Variants in TNKS observed in about 807,000 individuals in gnomAD.
TNKS encodes the protein poly [ADP-ribose] polymerase tankyrase-1.
A neutral mutation model predicts 135.8 loss-of-function variants in TNKS; 72 were observed. That is an observed-to-expected ratio of 0.53 (90% confidence interval 0.44 to 0.64). The LOEUF is 0.64. Ranked by LOEUF, TNKS falls within the 30% of genes least tolerant of loss-of-function variation. The pLI is 0.00. For synonymous variants in TNKS, 849 were observed against 649.3 expected (o/e 1.31, Z -4.68); for missense variants, 1,769 against 1,674.0 (o/e 1.06, Z -0.99).
Position 9,726,721 on chromosome 8 carries a change from G to A in TNKS, c.2001+1G>A. ...AGCTGGAGACTTGGAAACTGTGAAGGTAAGTCAGTGCCCTTAATATCTGGA... is the reference window on the plus strand; with the variant it reads ...AGCTGGAGACTTGGAAACTGTGAAGATAAGTCAGTGCCCTTAATATCTGGA... On this transcript the variant is annotated splice_donor_variant, in intron 13 of 26. Transcript: ENST00000310430. LOFTEE classifies it high-confidence loss of function. The A allele has an allele frequency of 6.2e-7, 1 of 1,611,046 alleles. No homozygotes were observed. The highest frequency in any genetic ancestry group is 8.5e-7 in the Non-Finnish European group (1 of 1,178,394).
chr8:9,716,431 T>C (rs1052727481), intron 11 of TNKS, among the ~76,000 whole-genome samples: 3 of 152,114 alleles, frequency 2.0e-5, no homozygotes, highest in Admixed American at 2.0e-4. Context: ...CCAGAGACAT[T>C]TTAGTTCTCA....
chr8:9,653,608 C>T (rs1801228132), intron 3 of TNKS, among the ~76,000 whole-genome samples: 1 of 151,996 alleles, frequency 6.6e-6, no homozygotes, highest in Non-Finnish European at 1.5e-5. Flanking sequence ...CAAATTCAGT[C>T]CCATGAGGGA....
At chr8:9,630,117 A>G (rs1382443988) in intron 3 of TNKS, among the ~76,000 whole-genome samples, 2 of 152,180 alleles carry the variant, frequency 1.3e-5, no homozygotes, top group Non-Finnish European at 2.9e-5. Context: ...CACTGTCTGC[A>G]GTGATTTCAT....
intron 11 of TNKS, among the ~76,000 whole-genome samples, chr8:9,711,830 C>G (rs964264687): frequency 6.6e-6 from 1 of 151,996 alleles, no homozygotes; most frequent in Non-Finnish European, 1.5e-5. Context: ...TGTGATTTTG[C>G]TGAAAAATGA....
chr8:9,631,501 A>G (rs1800286546), intron 3 of TNKS, among the ~76,000 whole-genome samples: 2 of 152,248 alleles, frequency 1.3e-5, no homozygotes, highest in African/African-American at 4.8e-5. Context: ...ACTAAAAACT[A>G]AACTAATTTG....
intron 3 of TNKS, among the ~76,000 whole-genome samples, chr8:9,642,804 A>G (rs1040303919): frequency 1.4e-5 from 2 of 146,094 alleles, no homozygotes; most frequent in African/African-American, 2.5e-5. Flanking sequence ...ATAAAAGTTC[A>G]TGTAAACTCA....
chr8:9,694,425 G>C (rs1421280481), intron 5 of TNKS, among the ~76,000 whole-genome samples: 2 of 152,138 alleles, frequency 1.3e-5, no homozygotes, highest in African/African-American at 4.8e-5. Context: ...AAGAGTAAAA[G>C]ATCGTGGCAA....
intron 3 of TNKS, among the ~76,000 whole-genome samples, chr8:9,662,494 G>A (rs1166144216): frequency 2.6e-5 from 4 of 152,042 alleles, no homozygotes; most frequent in African/African-American, 4.8e-5. Flanking sequence ...CTATCGCAAG[G>A]ACAAAAAACC....
intron 20 of TNKS, among the ~76,000 whole-genome samples, 166 bp downstream of exon 20, chr8:9,752,792 C>CA (rs201737154): frequency 0.012 from 1,783 of 146,544 alleles, 17 homozygotes; most frequent in Admixed American, 0.016. Context: ...CCCATCTCTA[C>CA]AAAAAAAAAA....
At chr8:9,557,188 A>G (rs1306402921) in intron 1 of TNKS, 2 of 153,734 alleles carry the variant, frequency 1.3e-5, no homozygotes, top group African/African-American at 4.8e-5. Flanking sequence ...ATTTGGATGC[A>G]TTATATGATG....
At chr8:9,608,654 C>G (rs1006098201) in intron 2 of TNKS, among the ~76,000 whole-genome samples, 1 of 152,186 alleles carries the variant, frequency 6.6e-6, no homozygotes, top group Non-Finnish European at 1.5e-5. Flanking sequence ...GGGGCCTGCT[C>G]TCTGCACAGA....
intron 17 of TNKS, among the ~76,000 whole-genome samples, chr8:9,744,648 CT>C (rs1208618600): frequency 6.6e-6 from 1 of 152,152 alleles, no homozygotes; most frequent in Non-Finnish European, 1.5e-5. Flanking sequence ...TAGTTCAATA[CT>C]TTGCTCTTAT....
chr8:9,607,996 G>A (rs1401828429), intron 2 of TNKS, among the ~76,000 whole-genome samples: 3 of 152,146 alleles, frequency 2.0e-5, no homozygotes, highest in Admixed American at 6.5e-5. Flanking sequence ...TTGGAGTGCA[G>A]TGGTGCGATC....
intron 5 of TNKS, among the ~76,000 whole-genome samples, chr8:9,688,788 C>T (rs1186639442): frequency 2.0e-5 from 3 of 152,078 alleles, no homozygotes; most frequent in Non-Finnish European, 2.9e-5. Flanking sequence ...TACAGGTGCC[C>T]GCCACCATAC....
In TNKS at chr8:9,776,635, T is replaced by G; in HGVS notation, c.3898-15T>G. The G allele has an allele frequency of 6.2e-7, 1 of 1,613,040 alleles. No homozygotes were observed. Among genetic ancestry groups the G allele is most frequent in the East Asian group, 2.2e-5 (1 of 44,874 alleles). ...TACTAGAAGGGTGATTTGTTTTTCT[T>G]CTTGTCCTTCCCAGGCATACCCAGA... On this transcript the variant is annotated splice_polypyrimidine_tract_variant and intron_variant, in intron 26 of 26. Coordinates refer to ENST00000310430, the MANE Select transcript of TNKS (RefSeq NM_003747.3).
At chr8:9,575,931 C>G (rs1187415712) in intron 1 of TNKS, among the ~76,000 whole-genome samples, 1 of 152,134 alleles carries the variant, frequency 6.6e-6, no homozygotes, top group Non-Finnish European at 1.5e-5. Flanking sequence ...AGTAAGGGTT[C>G]TATGCCAGCA....
chr8:9,729,381 G>C (rs1458505624), intron 13 of TNKS, among the ~76,000 whole-genome samples: 1 of 152,176 alleles, frequency 6.6e-6, no homozygotes, highest in African/African-American at 2.4e-5. Context: ...TGTGACGGAA[G>C]TGGCAGCAAA....
At chr8:9,751,874 A>G (rs1563210131) in intron 19 of TNKS, 28 bp downstream of exon 19, 1 of 1,600,050 alleles carries the variant, frequency 6.2e-7, no homozygotes, top group East Asian at 2.2e-5. Flanking sequence ...ATGCTTATTT[A>G]TTTATACCTT....
intron 12 of TNKS, chr8:9,722,269 C>G (rs1312993576): frequency 1.3e-5 from 2 of 151,840 alleles, no homozygotes; most frequent in Non-Finnish European, 2.9e-5. Flanking sequence ...CAACAGGGAC[C>G]CTTCTAGGGC....
Sources: gnomAD v4.1 joint callset for allele counts (sites outside exome capture counted in the v4.1 genomes callset) on GRCh38, gnomAD v4.1.1 for gene constraint, MANE v1.5 for transcripts, NCBI Gene and HGNC (gene_info 2026-07-23, HGNC 2026-07-21) for gene names.